The following DOK4 variants were observed in gnomAD, a reference collection of about 807,000 sequenced individuals.
DOK4 encodes the protein docking protein 4.
A neutral mutation model predicts 40.1 loss-of-function variants in DOK4; 26 were observed. The ratio of observed to expected loss-of-function variants is 0.65; its 90% CI spans 0.48 to 0.90. The LOEUF is 0.90. Ranked by LOEUF, DOK4 falls within the 40% of genes least tolerant of loss-of-function variation. DOK4 has a pLI of 0.00. For synonymous variants in DOK4, 179 were observed against 177.0 expected (o/e 1.01, Z -0.09); for missense variants, 392 against 437.2 (o/e 0.90, Z 0.92).
chr16:57,473,858 TC>T (rs770385914), intron 7 of DOK4, 42 bp downstream of exon 7: 2 of 1,550,208 alleles, frequency 1.3e-6, no homozygotes, highest in Non-Finnish European at 1.7e-6. Context: ...GCCCGCCCGT[TC>T]CCCCCTCCCC....
exon 9 of DOK4, chr16:57,473,331 G>T (rs748764747): frequency 6.3e-7 from 1 of 1,578,970 alleles, no homozygotes; most frequent in Admixed American, 1.7e-5. Flanking sequence ...AGCCAGCCCC[G>T]CAGCAGGCAG....
chr16:57,483,314 T>G (rs557745730), intron 1 of DOK4, among the ~76,000 whole-genome samples: 10 of 152,142 alleles, frequency 6.6e-5, no homozygotes, highest in African/African-American at 2.4e-4. Flanking sequence ...GCTGAGCCTG[T>G]GAAGGCCCAA....
At chr16:57,475,909 G>T in exon 3 of DOK4, 1 of 1,613,592 alleles carries the variant, frequency 6.2e-7, no homozygotes, top group Non-Finnish European at 8.5e-7. Context: ...AGCCGCTGGG[G>T]CCCCTTGCTG....
rs1231482057 is a variant in DOK4 at position 57,482,558 on chromosome 16, G to A, written c.-181-2870C>T. ...ATTGTTTCATATTTTTAGTAAAGAC[G>A]GGGTTTCACCGTGTTAGCCAGGATG... On this transcript the variant is annotated intron_variant, in intron 1 of 8. Transcript: ENST00000340099. 3.3e-5 allele frequency among the ~76,000 whole-genome samples: 5 copies of A among 151,660 alleles called. No individual in the cohort carries two copies. The South Asian group carries it at 6.3e-4, about 19-fold the overall frequency.
chr16:57,485,182 G>A lies in DOK4; in HGVS notation c.-182+1123C>T, dbSNP rs1459690183. On this transcript the variant is annotated intron_variant, in intron 1 of 8. Coordinates refer to ENST00000340099, the Ensembl canonical transcript of DOK4. This position sits in a 1 kb window ranked among gnomAD's most constrained non-coding sequence, Gnocchi z 4.3. ...GGCTGTTGTTACTGGAGAACCAGCT[G>A]TGCCCAAGACCCGCAGTTTGGTTCA... Among the ~76,000 whole-genome samples the A allele has an allele frequency of 6.6e-6, 1 of 152,230 alleles. No individual in the cohort carries two copies.
At chr16:57,474,155 T>C in intron 6 of DOK4, 116 bp from the exon 7 acceptor site, 1 of 1,450,800 alleles carries the variant, frequency 6.9e-7, no homozygotes, top group Admixed American at 1.9e-5. Flanking sequence ...GGAGGACAGG[T>C]AGGGCTGTGG....
At chr16:57,482,442 T>C (rs1020133455) in intron 1 of DOK4, among the ~76,000 whole-genome samples, 1 of 136,624 alleles carries the variant, frequency 7.3e-6, no homozygotes, top group Admixed American at 7.8e-5. Context: ...TCTCGGCTCA[T>C]TGCAAGCTCC....
At chr16:57,475,783 T>C in intron 3 of DOK4, 67 bp downstream of exon 3, 2 of 1,164,220 alleles carry the variant, frequency 1.7e-6, no homozygotes, top group Non-Finnish European at 2.4e-6. Flanking sequence ...CTCCCCTCTC[T>C]CCCTCTCTCT....
rs547628261 is a variant in DOK4, at chr16:57,485,794, G to A, written c.-182+511C>T. 6.6e-6 allele frequency among the ~76,000 whole-genome samples: 1 copy of A among 152,340 alleles called. No individual in the cohort carries two copies. The highest frequency in any genetic ancestry group is 1.9e-4 in the East Asian group (1 of 5,178). ...ATGGAGAAAGGTTCAAGGACAGGAGGCAGCTGGCCATGAGTTTGGGCTGTG... is the reference window on the plus strand; with the variant it reads ...ATGGAGAAAGGTTCAAGGACAGGAGACAGCTGGCCATGAGTTTGGGCTGTG... On this transcript the variant is annotated intron_variant, in intron 1 of 8. Transcript: ENST00000340099. The surrounding 1 kb of genome is among the most constrained non-coding windows in gnomAD (Gnocchi z 4.3).
chr16:57,471,974 GTTTA>G (rs1168616082), exon 9 of DOK4: 1 of 152,722 alleles, frequency 6.5e-6, no homozygotes, highest in Non-Finnish European at 1.5e-5. Flanking sequence ...TTTTAAAAGT[GTTTA>G]TTTTTGGCAA....
At position 57,485,068 on chromosome 16, in the gene DOK4, C is replaced by T. The variant is rs1443687749; in HGVS notation, c.-182+1237G>A. On this transcript the variant is annotated intron_variant, in intron 1 of 8. Transcript: ENST00000340099. This position sits in a 1 kb window ranked among gnomAD's most constrained non-coding sequence, Gnocchi z 4.3. Reference sequence around the variant, plus strand: ...TTCTTCCACCACCACCAGCCTCCATCTGGCTGGACCTGGCTCAGCTTCCAG... The same window carrying T: ...TTCTTCCACCACCACCAGCCTCCATTTGGCTGGACCTGGCTCAGCTTCCAG... Among the ~76,000 whole-genome samples, 1 of 152,262 alleles carries T rather than the reference C, an allele frequency of 6.6e-6. No individual in the cohort carries two copies. The highest frequency in any genetic ancestry group is 6.5e-5 in the Admixed American group (1 of 15,290).
rs117335931 is a variant in DOK4 at position 57,475,165 on chromosome 16, C to T, written c.344G>A (p.Arg115His). ...TTCTCCCAGACTGATGTCGTTGAGGCGGGACCCCAGACACTCCACAGATAG... is the reference window on the plus strand; with the variant it reads ...TTCTCCCAGACTGATGTCGTTGAGGTGGGACCCCAGACACTCCACAGATAG... Residue 115 changes from arginine (R) to histidine (H), a missense_variant, in exon 5 of 9, where the codon CGC (arginine) becomes CAC (histidine). Coordinates refer to ENST00000340099, the Ensembl canonical transcript of DOK4. 7.3e-4 allele frequency: 1,183 copies of T among 1,613,972 alleles called. 29 individuals carry two copies. In the East Asian group the frequency reaches 0.024, roughly 33 times the overall value.
chr16:57,481,034 T>G (rs1435783549), intron 1 of DOK4, among the ~76,000 whole-genome samples: 1 of 152,150 alleles, frequency 6.6e-6, no homozygotes, highest in Admixed American at 6.5e-5. Flanking sequence ...GTGGCCCCTG[T>G]GTCTTCAGGA....
chr16:57,480,890 G>A (rs1442416821), intron 1 of DOK4, among the ~76,000 whole-genome samples: 1 of 152,194 alleles, frequency 6.6e-6, no homozygotes, highest in Non-Finnish European at 1.5e-5. Context: ...GCAGAGCCAG[G>A]GATGAAGGAG....
intron 2 of DOK4, chr16:57,476,182 A>G (rs1405374526): frequency 1.1e-5 from 6 of 544,410 alleles, no homozygotes; most frequent in Non-Finnish European, 2.0e-5. Context: ...TGGCTCCAAA[A>G]CGCTGTTCCA....
rs370878188 is a variant in DOK4, at chr16:57,475,336, G to A, written c.290-117C>T. 2.5e-4 allele frequency: 377 copies of A among 1,509,584 alleles called. No individual in the cohort carries two copies. The African/African-American group carries it at 4.3e-3, about 17-fold the overall frequency. 93.5% of individuals were successfully genotyped at this position (1,509,584 alleles called of 1,614,324 possible). A position where few individuals can be genotyped will look rare whatever the true frequency, so the allele number is the denominator to read the frequency against. ...AGGGTAAGGACAGTGGGTTCTGCCT[G>A]CCTGTCTTGCCTCAACCCTGAGGGC... On this transcript the variant is annotated intron_variant, in intron 4 of 8. Coordinates refer to ENST00000340099, the Ensembl canonical transcript of DOK4.
At chr16:57,474,095 G>A in intron 6 of DOK4, 56 bp from the exon 7 acceptor site, 1 of 1,605,010 alleles carries the variant, frequency 6.2e-7, no homozygotes, top group Non-Finnish European at 8.5e-7. Context: ...ACATGCATGT[G>A]ATTAGTTAGG....
chr16:57,486,704 G>A (rs1236392989), upstream of DOK4, among the ~76,000 whole-genome samples: 1 of 147,400 alleles, frequency 6.8e-6, no homozygotes, highest in Non-Finnish European at 1.5e-5. Flanking sequence ...TGGCCTCTCA[G>A]CCCCTGAAAG....
In DOK4 at chr16:57,479,445, G is replaced by C. The variant is rs368155888; in HGVS notation, c.63C>G (p.Leu21=). Residue 21 remains leucine, a synonymous_variant, in exon 2 of 9, where the codon CTC becomes CTG. Transcript: ENST00000340099. This position sits in a 1 kb window ranked among gnomAD's most constrained non-coding sequence, Gnocchi z 5.8. ...TCCGCAGCTCAGGGTCACTCACCCCGAGCTTCCTGCTCTTCATCTTCACGT... is the reference window on the plus strand; with the variant it reads ...TCCGCAGCTCAGGGTCACTCACCCCCAGCTTCCTGCTCTTCATCTTCACGT... 1.6e-5 allele frequency: 26 copies of C among 1,613,630 alleles called. 1 individual carries two copies. In the African/African-American group the frequency reaches 2.4e-4, roughly 15 times the overall value.
Sources: gnomAD v4.1 joint callset for allele counts (sites outside exome capture counted in the v4.1 genomes callset) on GRCh38, gnomAD v4.1.1 for gene constraint, Gnocchi (gnomAD v3.1) non-coding constraint, MANE v1.5 for transcripts, NCBI Gene and HGNC (gene_info 2026-07-23, HGNC 2026-07-21) for gene names.